OR4N5: variants seen among roughly 807,000 people sequenced by gnomAD.
OR4N5 encodes olfactory receptor 4N5.
For synonymous variants in OR4N5, 155 were observed against 140.6 expected (o/e 1.10, Z -0.72); for missense variants, 428 against 370.0 (o/e 1.16, Z -1.29).
rs1194630873 is a variant in OR4N5, at chr14:20,144,027, A to C, written c.292A>C (p.Ile98Leu). The part of the protein sequence containing the change: ...EKKVISYRSC[I>L]TQLFFLHFLG... ...GAAGGTAATCTCCTATAGAAGCTGC[A>C]TCACTCAGCTCTTTTTCTTGCATTT... The change falls in exon 3 of 3, where the codon ATC (isoleucine) becomes CTC (leucine). Residue 98 changes from isoleucine to leucine, a missense_variant. Transcript: ENST00000641086. The C allele has an allele frequency of 1.2e-6, 2 of 1,613,974 alleles. No homozygotes were observed. The highest frequency in any genetic ancestry group is 2.7e-5 in the African/African-American group (2 of 74,924).
At position 20,143,990 on chromosome 14, in the gene OR4N5, C is replaced by G; in HGVS notation, c.255C>G (p.Phe85Leu). ...FIVVPRMLVD[F>L]LSEKKVISYR... ...TGGTTCCCAGGATGTTGGTGGACTT[C>G]CTCTCTGAGAAGAAGGTAATCTCCT... Residue 85 changes from phenylalanine to leucine, a missense_variant, in exon 3 of 3, where the codon TTC (phenylalanine) becomes TTG (leucine). By Grantham distance (22) the Phe-to-Leu change is conservative. Transcript: ENST00000641086. 1 of 1,614,062 alleles carries G rather than the reference C, an allele frequency of 6.2e-7. No individual in the cohort carries two copies. Among genetic ancestry groups the G allele is most frequent in the Non-Finnish European group, 8.5e-7 (1 of 1,179,968 alleles).
At chr14:20,143,328 A>T (rs1446514606) in intron 2 of OR4N5, among the ~76,000 whole-genome samples, 2 of 152,192 alleles carry the variant, frequency 1.3e-5, no homozygotes, top group Non-Finnish European at 2.9e-5. Flanking sequence ...GGGAACTAAA[A>T]CCTAGCAACT....
In OR4N5 at chr14:20,144,212, A is replaced by G; in HGVS notation, c.477A>G (p.Gln159=). ...WLGGFIHSIV[Q]VALILHLPFC... ...GGGGCTTTATCCATTCCATTGTACA[A>G]GTAGCCCTTATCCTGCACTTGCCTT... is the stretch of plus-strand genomic sequence containing the variant. The change falls in exon 3 of 3, where the codon CAA becomes CAG. Residue 159 remains glutamine (Q), a synonymous_variant. Coordinates refer to ENST00000641086, the MANE Select transcript of OR4N5 (RefSeq NM_001004724.2). The G allele has an allele frequency of 1.2e-6, 2 of 1,614,040 alleles. No individual in the cohort carries two copies. The highest frequency in any genetic ancestry group is 1.7e-6 in the Non-Finnish European group (2 of 1,179,970).
rs1878696860 is a variant in OR4N5 at position 20,144,553 on chromosome 14, T to C, written c.818T>C (p.Leu273Pro). 6.2e-7 allele frequency: 1 copy of C among 1,613,882 alleles called. No individual in the cohort carries two copies. The highest frequency in any genetic ancestry group is 1.3e-5 in the African/African-American group (1 of 74,932). ...QAFPADKVVS[L>P]FHTVIFPLMN... ...TTCCCAGCTGACAAGGTAGTTTCTC[T>C]TTTCCATACTGTCATCTTTCCTTTG... The change falls in exon 3 of 3, where the codon CTT (leucine) becomes CCT (proline). Residue 273 changes from leucine (L) to proline (P), a missense_variant. Transcript: ENST00000641086.
chr14:20,144,690 A>G lies in OR4N5; in HGVS notation c.*28A>G, dbSNP rs749234418. ...AGAAGAAAGAGAAAAGCAAGAACGGAGAAAGTCCAGTTGAATTTAGCTAAA... is the reference window on the plus strand; with the variant it reads ...AGAAGAAAGAGAAAAGCAAGAACGGGGAAAGTCCAGTTGAATTTAGCTAAA... On this transcript the variant is annotated 3_prime_UTR_variant, in exon 3 of 3. Transcript: ENST00000641086. 4.1e-6 allele frequency: 6 copies of G among 1,447,666 alleles called. No individual in the cohort carries two copies. The highest frequency in any genetic ancestry group is 5.7e-6 in the Non-Finnish European group (6 of 1,054,358). 89.7% of individuals were successfully genotyped at this position (1,447,666 alleles called of 1,614,324 possible).
At chr14:20,140,586 G>A (rs1329724368) in intron 1 of OR4N5, among the ~76,000 whole-genome samples, 1 of 152,148 alleles carries the variant, frequency 6.6e-6, no homozygotes, top group Non-Finnish European at 1.5e-5. Context: ...GCCTGCAGAT[G>A]CTTACTGCTC....
chr14:20,144,428 A>G lies in OR4N5; in HGVS notation c.693A>G (p.Glu231=). Residue 231 remains glutamate, a synonymous_variant, in exon 3 of 3, where the codon GAA becomes GAG. Transcript: ENST00000641086. ...ILCRIREHSS[E]GKSKAISTCT... ...GTCGTATAAGGGAGCACTCCTCTGAAGGAAAGAGCAAGGCTATTTCCACAT... is the reference window on the plus strand; with the variant it reads ...GTCGTATAAGGGAGCACTCCTCTGAGGGAAAGAGCAAGGCTATTTCCACAT... 1 of 1,613,930 alleles carries G rather than the reference A, an allele frequency of 6.2e-7. No homozygotes were observed. The highest frequency in any genetic ancestry group is 8.5e-7 in the Non-Finnish European group (1 of 1,179,856).
intron 2 of OR4N5, among the ~76,000 whole-genome samples, chr14:20,142,164 T>C (rs1311614449): frequency 6.6e-6 from 1 of 152,120 alleles, no homozygotes; most frequent in Non-Finnish European, 1.5e-5. Context: ...CTCGCTCTGT[T>C]GCCCAGGCTG....
At position 20,143,827 on chromosome 14, in the gene OR4N5, T is replaced by C. The variant is rs1271434490; in HGVS notation, c.92T>C (p.Val31Ala). The part of the protein sequence containing the change: ...QDAQLLVFVL[V>A]LIFYLIILPG... ...GCTCAACTTCTGGTCTTTGTGCTAGTCTTAATTTTCTACCTTATCATCCTC... is the reference window on the plus strand; with the variant it reads ...GCTCAACTTCTGGTCTTTGTGCTAGCCTTAATTTTCTACCTTATCATCCTC... Residue 31 changes from valine (V) to alanine (A), a missense_variant, in exon 3 of 3, where the codon GTC becomes GCC. Transcript: ENST00000641086. 6.2e-7 allele frequency: 1 copy of C among 1,613,918 alleles called. No individual in the cohort carries two copies. The highest frequency in any genetic ancestry group is 1.3e-5 in the African/African-American group (1 of 74,914).
intron 1 of OR4N5, among the ~76,000 whole-genome samples, chr14:20,140,041 C>A (rs142791199): frequency 0.01 from 1,557 of 152,190 alleles, 31 homozygotes; most frequent in African/African-American, 0.033. Flanking sequence ...CACTGGGGAG[C>A]AAGGAAAGCA....
At position 20,144,539 on chromosome 14, in the gene OR4N5, C is replaced by A. The variant is rs776574144; in HGVS notation, c.804C>A (p.Asp268Glu). ...YTCPFQAFPA[D>E]KVVSLFHTVI... ...GCCCCTTCCAGGCTTTCCCAGCTGA[C>A]AAGGTAGTTTCTCTTTTCCATACTG... Residue 268 changes from aspartate (D) to glutamate (E), a missense_variant, in exon 3 of 3, where the codon GAC becomes GAA. By Grantham distance (45) the Asp-to-Glu change is conservative. Transcript: ENST00000641086. 4.4e-5 allele frequency: 71 copies of A among 1,613,844 alleles called. No individual in the cohort carries two copies. Among genetic ancestry groups the A allele is most frequent in the Non-Finnish European group, 5.8e-5 (68 of 1,179,880 alleles).
At chr14:20,139,621 C>T (rs1285156194) in intron 1 of OR4N5, among the ~76,000 whole-genome samples, 5 of 152,218 alleles carry the variant, frequency 3.3e-5, no homozygotes, top group Non-Finnish European at 5.9e-5. Context: ...TTTGCTAGAA[C>T]GTATTTATCA....
chr14:20,143,811 C>T lies in OR4N5; in HGVS notation c.76C>T (p.Leu26=). The change falls in exon 3 of 3, where the codon CTG becomes TTG. Residue 26 remains leucine (L), a synonymous_variant. Transcript: ENST00000641086. ...GLTQSQDAQL[L]VFVLVLIFYL... ...GACCCAGTCTCAAGATGCTCAACTT[C>T]TGGTCTTTGTGCTAGTCTTAATTTT... 1.9e-6 allele frequency: 3 copies of T among 1,614,020 alleles called. No individual in the cohort carries two copies. The South Asian group carries it at 3.3e-5, about 18-fold the overall frequency.
chr14:20,139,763 C>T (rs1041487488), intron 1 of OR4N5, among the ~76,000 whole-genome samples: 2 of 152,162 alleles, frequency 1.3e-5, no homozygotes, highest in African/African-American at 4.8e-5. Context: ...ATTCAAAATA[C>T]AGATATTAAA....
At position 20,143,750 on chromosome 14, in the gene OR4N5, C is replaced by T. The variant is rs1032668693; in HGVS notation, c.15C>T (p.Asn5=). Residue 5 remains asparagine, a synonymous_variant, in exon 3 of 3, where the codon AAC becomes AAT. Transcript: ENST00000641086. The part of the protein sequence containing the change: METQ[N]LTVVTEFILL... ...AGTGAGAAATTATGGAAACACAGAA[C>T]CTCACAGTGGTGACAGAATTCATTC... 3.7e-6 allele frequency: 6 copies of T among 1,607,714 alleles called. No individual in the cohort carries two copies. The highest frequency in any genetic ancestry group is 5.1e-6 in the Non-Finnish European group (6 of 1,176,992).
chr14:20,141,504 T>A (rs973901139), intron 2 of OR4N5, among the ~76,000 whole-genome samples: 1 of 152,182 alleles, frequency 6.6e-6, no homozygotes, highest in Non-Finnish European at 1.5e-5. Context: ...ATGTTACTAG[T>A]CACATAAAAC....
intron 2 of OR4N5, among the ~76,000 whole-genome samples, chr14:20,142,057 TGTGA>T (rs1373175118): frequency 3.3e-5 from 5 of 152,202 alleles, no homozygotes; most frequent in African/African-American, 9.6e-5. Context: ...TATCATCGTA[TGTGA>T]GTATTTATTT....
Position 20,143,903 on chromosome 14 carries a change from A to T in OR4N5, c.168A>T (p.Thr56=), listed in dbSNP as rs1318918278. 2.5e-6 allele frequency: 4 copies of T among 1,613,940 alleles called. No homozygotes were observed. In the African/African-American group the frequency reaches 5.3e-5, roughly 22 times the overall value. The change falls in exon 3 of 3, where the codon ACA becomes ACT. Residue 56 remains threonine, a synonymous_variant. Transcript: ENST00000641086. ...IFTIKSDPGL[T]APLYFFLGNL... ...CCATAAAGTCAGACCCTGGGCTCAC[A>T]GCCCCCCTCTATTTCTTTCTGGGCA...
intron 1 of OR4N5, 23 bp downstream of exon 1, chr14:20,138,913 A>G (rs1878562860): frequency 6.6e-6 from 1 of 151,118 alleles, no homozygotes; most frequent in Admixed American, 6.6e-5. Context: ...ATCATTCTTT[A>G]TATTTAAATT....
Sources: gnomAD v4.1 joint callset for allele counts (sites outside exome capture counted in the v4.1 genomes callset) on GRCh38, gnomAD v4.1.1 for gene constraint, MANE v1.5 for transcripts, NCBI Gene and HGNC (gene_info 2026-07-23, HGNC 2026-07-21) for gene names.